C16orf96: variants seen among roughly 807,000 people sequenced by gnomAD.
The protein encoded by C16orf96 is uncharacterized protein C16orf96.
C16orf96 carries 108 observed loss-of-function variants against 103.6 expected under a neutral mutation model. The ratio of observed to expected loss-of-function variants is 1.04; its 90% CI spans 0.89 to 1.22. The LOEUF (loss-of-function observed/expected upper bound fraction) is 1.22. C16orf96 is among the 50% of genes most tolerant of loss of function. The pLI, the probability that C16orf96 is intolerant of heterozygous loss-of-function variation, is 0.00. For synonymous variants in C16orf96, 566 were observed against 593.5 expected (o/e 0.95, Z 0.67); for missense variants, 1,586 against 1,464.2 (o/e 1.08, Z -1.36).
At chr16:4,558,234 C>G (rs1423123384) in intron 1 of C16orf96, among the ~76,000 whole-genome samples, 1 of 152,244 alleles carries the variant, frequency 6.6e-6, no homozygotes, top group African/African-American at 2.4e-5. Context: ...TGGCCTCTGA[C>G]CCTGGCTCAC....
intron 1 of C16orf96, chr16:4,560,587 A>AAC (rs1491030642): frequency 6.7e-6 from 1 of 149,498 alleles, no homozygotes; most frequent in African/African-American, 2.4e-5. Flanking sequence ...AAAACAAACA[A>AAC]ACACACAAAA....
Position 4,556,651 on chromosome 16 carries a change from G to T in C16orf96, c.162G>T (p.Gln54His), listed in dbSNP as rs765294228. Residue 54 changes from glutamine (Q) to histidine (H), a missense_variant, in exon 1 of 16, where the codon CAG (glutamine) becomes CAT (histidine). By Grantham distance (24) the Gln-to-His change is conservative (BLOSUM62 0). Coordinates refer to ENST00000444310, the MANE Select transcript of C16orf96 (RefSeq NM_001145011.2). ...TCTCAGGCGATGAGGACTTCCTGCAGACCTCGCAGGTGGTCATCATGCCCA... is the reference window on the plus strand; with the variant it reads ...TCTCAGGCGATGAGGACTTCCTGCATACCTCGCAGGTGGTCATCATGCCCA... ...KVLSGDEDFL[Q>H]TSQVVIMPRE... 12 of 1,551,648 alleles carry T rather than the reference G, an allele frequency of 7.7e-6. No individual in the cohort carries two copies. The highest frequency in any genetic ancestry group is 9.6e-6 in the Non-Finnish European group (11 of 1,146,904).
At position 4,580,001 on chromosome 16, in the gene C16orf96, T is replaced by A. The variant is rs1302799685; in HGVS notation, c.2242-14T>A. The stretch of plus-strand genomic sequence containing the variant: ...GAAGCAGAGGCCTGGGGTGTCTGTG[T>A]CTCCCCCTTTTAGGAGGAAGAACTT... On this transcript the variant is annotated splice_polypyrimidine_tract_variant and intron_variant, in intron 6 of 15. Transcript: ENST00000444310. 3 of 1,538,080 alleles carry A rather than the reference T, an allele frequency of 2.0e-6. No individual in the cohort carries two copies. In the African/African-American group the frequency reaches 4.1e-5, roughly 21 times the overall value.
chr16:4,600,022 T>G, intron 15 of C16orf96, 78 bp from the exon 16 acceptor site: 2 of 1,348,798 alleles, frequency 1.5e-6, no homozygotes, highest in Non-Finnish European at 2.0e-6. Flanking sequence ...TTCTCTTTAG[T>G]GGGGATGGCC....
intron 9 of C16orf96, among the ~76,000 whole-genome samples, chr16:4,590,058 A>G (rs1420021649): frequency 1.3e-5 from 2 of 151,596 alleles, no homozygotes; most frequent in Non-Finnish European, 2.9e-5. Flanking sequence ...CCCGGGAGGC[A>G]GAGCTTGTAG....
intron 6 of C16orf96, 72 bp from the exon 7 acceptor site, chr16:4,579,943 C>A: frequency 7.7e-7 from 1 of 1,299,460 alleles, no homozygotes; most frequent in Non-Finnish European, 1.1e-6. Flanking sequence ...CCTCAACCCT[C>A]CCTCAGGCCC....
intron 1 of C16orf96, among the ~76,000 whole-genome samples, chr16:4,559,259 C>G (rs1408276574): frequency 1.3e-5 from 2 of 151,646 alleles, no homozygotes; most frequent in Non-Finnish European, 2.9e-5. Context: ...TGAGGGGAAA[C>G]TGGCTGGATG....
At chr16:4,548,276 C>G in the C16orf96 span, among the ~76,000 whole-genome samples, 1 of 152,190 alleles carries the variant, frequency 6.6e-6, no homozygotes, top group African/African-American at 2.4e-5. Context: ...GCTTGTGTCA[C>G]CTTTTCCTGG....
At chr16:4,587,165 G>C (rs566607154) in intron 8 of C16orf96, 52 bp downstream of exon 8, 32 of 1,474,214 alleles carry the variant, frequency 2.2e-5, no homozygotes, top group Non-Finnish European at 2.8e-5. Context: ...CCAGGGAAAC[G>C]GCACCATCCA....
intron 6 of C16orf96, among the ~76,000 whole-genome samples, 174 bp from the exon 7 acceptor site, chr16:4,579,841 C>T (rs2059562080): frequency 6.6e-6 from 1 of 152,044 alleles, no homozygotes; most frequent in Non-Finnish European, 1.5e-5. Context: ...GAGCTCCTGA[C>T]CTCAGTTGAT....
intron 4 of C16orf96, 58 bp downstream of exon 4, chr16:4,575,116 C>T: frequency 6.5e-7 from 1 of 1,549,044 alleles, no homozygotes; most frequent in South Asian, 1.2e-5. Flanking sequence ...GGGTGGCTGA[C>T]TGAGAGTGGG....
chr16:4,560,990 T>C (rs2059324067), intron 1 of C16orf96: 1 of 152,102 alleles, frequency 6.6e-6, no homozygotes, highest in Admixed American at 6.6e-5. Context: ...CCGTCTCTAC[T>C]AAAAATACAA....
chr16:4,558,013 G>C (rs61157580), intron 1 of C16orf96, among the ~76,000 whole-genome samples: 1 of 152,224 alleles, frequency 6.6e-6, no homozygotes, highest in East Asian at 1.9e-4. Context: ...TACCATGGGA[G>C]AAGTACCAGA....
chr16:4,590,567 A>G (rs1365971006), intron 9 of C16orf96, among the ~76,000 whole-genome samples: 2 of 150,504 alleles, frequency 1.3e-5, no homozygotes, highest in African/African-American at 2.4e-5. Flanking sequence ...CTCAAAAATA[A>G]ATAAATAAAT....
chr16:4,598,348 C>G (rs1313951308), intron 14 of C16orf96, among the ~76,000 whole-genome samples: 3 of 124,064 alleles, frequency 2.4e-5, no homozygotes, highest in African/African-American at 7.6e-5. Context: ...GAGACTTGGT[C>G]TCAAACAAAA....
At position 4,579,037 on chromosome 16, in the gene C16orf96, C is replaced by G. The variant is rs1295532668; in HGVS notation, c.2241+12C>G. ...AATCTAGGCTCAAGGTTAGTGTCTC[C>G]GGCGAAGGGCTTTTGAGGCAGTGAT... On this transcript the variant is annotated intron_variant, in intron 6 of 15. Transcript: ENST00000444310. 13 of 1,550,246 alleles carry G rather than the reference C, an allele frequency of 8.4e-6. No homozygotes were observed. The highest frequency in any genetic ancestry group is 8.7e-6 in the Non-Finnish European group (10 of 1,146,014).
chr16:4,567,647 T>C (rs895297358), intron 1 of C16orf96, among the ~76,000 whole-genome samples: 2 of 151,690 alleles, frequency 1.3e-5, no homozygotes, highest in Non-Finnish European at 2.9e-5. Context: ...GAATGTTTTT[T>C]AAATTTTTAC....
intron 7 of C16orf96, among the ~76,000 whole-genome samples, chr16:4,580,587 A>G (rs1325192775): frequency 1.3e-5 from 2 of 151,994 alleles, no homozygotes; most frequent in Non-Finnish European, 2.9e-5. Flanking sequence ...TGGCTCACAT[A>G]TGTAATCCCA....
At chr16:4,547,300 C>T in the C16orf96 span, among the ~76,000 whole-genome samples, 1 of 152,184 alleles carries the variant, frequency 6.6e-6, no homozygotes, top group African/African-American at 2.4e-5. Flanking sequence ...CCACACCCAG[C>T]TAATTTTTGT....
Sources: gnomAD v4.1 joint callset for allele counts (sites outside exome capture counted in the v4.1 genomes callset) on GRCh38, gnomAD v4.1.1 for gene constraint, MANE v1.5 for transcripts, NCBI Gene and HGNC (gene_info 2026-07-23, HGNC 2026-07-21) for gene names.